Variants in ZFP64 observed in about 807,000 individuals in gnomAD.
ZFP64 encodes ZFP64 zinc finger protein, also known as zinc finger protein 64.
Under a neutral mutation model 51.6 loss-of-function variants are expected in ZFP64, and 14 were observed. The observed-to-expected ratio is 0.27, with a 90% confidence interval of 0.18 to 0.42. The LOEUF is 0.42. ZFP64 is among the 10% of genes least tolerant of loss of function. The pLI is 1.00. For synonymous variants in ZFP64, 375 were observed against 361.4 expected, an observed-to-expected ratio of 1.04 and a Z score of -0.43; for missense variants, 754 against 906.8, an observed-to-expected ratio of 0.83 and a Z score of 2.16.
chr20:52,188,186 T>C (rs1397739301), intron 1 of ZFP64, among the ~76,000 whole-genome samples: 4 of 152,184 alleles, frequency 2.6e-5, no homozygotes, highest in African/African-American at 9.6e-5. Context: ...CTTCACTGAT[T>C]TCCCTGATTC....
chr20:52,161,554 C>T (rs1336405935), intron 4 of ZFP64, among the ~76,000 whole-genome samples: 1 of 151,120 alleles, frequency 6.6e-6, no homozygotes, highest in Non-Finnish European at 1.5e-5. Context: ...CATTACATAC[C>T]CACAACGCGG....
intron 2 of ZFP64, among the ~76,000 whole-genome samples, chr20:52,173,644 G>A (rs1333488044): frequency 6.6e-6 from 1 of 150,726 alleles, no homozygotes; most frequent in Non-Finnish European, 1.5e-5. Context: ...ATACATCCTT[G>A]CTTTTTTTTT....
intron 2 of ZFP64, among the ~76,000 whole-genome samples, chr20:52,171,753 T>TTTC (rs112962408): frequency 0.54 from 78,340 of 144,378 alleles, 21,100 homozygotes; most frequent in Admixed American, 0.62. Context: ...GCCTCCCCAA[T>TTTC]TTTTTTTTTT....
intron 5 of ZFP64, among the ~76,000 whole-genome samples, chr20:52,124,130 A>G (rs1050935272): frequency 2.0e-5 from 3 of 152,048 alleles, no homozygotes; most frequent in Admixed American, 6.6e-5. Context: ...TCGGCCTCCC[A>G]AAGTGCTGGG....
intron 2 of ZFP64, among the ~76,000 whole-genome samples, chr20:52,171,105 G>T (rs1156841347): frequency 6.6e-6 from 1 of 152,226 alleles, no homozygotes; most frequent in Admixed American, 6.5e-5. Flanking sequence ...GGGGCATTGG[G>T]TGCTGAAGAC....
chr20:52,119,542 A>C (rs977822161), intron 5 of ZFP64, among the ~76,000 whole-genome samples: 23 of 132,776 alleles, frequency 1.7e-4, no homozygotes, highest in African/African-American at 7.6e-4. Flanking sequence ...AAATATATAT[A>C]TATATATATA....
intron 5 of ZFP64, among the ~76,000 whole-genome samples, chr20:52,113,482 C>G (rs1383313276): frequency 7.7e-6 from 1 of 129,926 alleles, no homozygotes; most frequent in Non-Finnish European, 1.5e-5. Context: ...GGCTAGGGTG[C>G]AGTGGCGCGA....
In ZFP64 at chr20:52,160,463, T is replaced by A; in HGVS notation, c.512-89A>T. 3.3e-6 allele frequency: 5 copies of A among 1,495,250 alleles called. No homozygotes were observed. Among genetic ancestry groups the A allele is most frequent in the Non-Finnish European group, 4.5e-6 (5 of 1,123,406 alleles). The allele number at this position is 1,495,250 out of a possible 1,614,324, so 92.6% of individuals were successfully genotyped here. On this transcript the variant is annotated intron_variant, in intron 4 of 5. Transcript: ENST00000216923. The surrounding 1 kb of genome is among the most constrained non-coding windows in gnomAD (Gnocchi z 4.2). ...TCCCACTGCCTTACGAAAAAAGTCA[T>A]ATACAACCACCGAAGAATATTCCAA... is the stretch of plus-strand genomic sequence containing the variant.
At chr20:52,177,244 A>T (rs1055322330) in intron 2 of ZFP64, among the ~76,000 whole-genome samples, 1 of 152,034 alleles carries the variant, frequency 6.6e-6, no homozygotes, top group Non-Finnish European at 1.5e-5. Context: ...TTTTAAACAC[A>T]TTTTCCAGGT....
At chr20:52,189,590 C>T (rs1317353110) in intron 1 of ZFP64, among the ~76,000 whole-genome samples, 1 of 151,684 alleles carries the variant, frequency 6.6e-6, no homozygotes, top group Non-Finnish European at 1.5e-5. Flanking sequence ...ATTCTCCTGC[C>T]TCAGCCTCCG....
At chr20:52,097,000 G>T (rs2078995720) in intron 7 of ZFP64, 1 of 568,202 alleles carries the variant, frequency 1.8e-6, no homozygotes, top group Non-Finnish European at 3.5e-6. Context: ...GTAAATGAAG[G>T]AGCATGCCAA....
Position 52,085,317 on chromosome 20 carries a change from T to TCC in ZFP64, c.1229-53_1229-52dup. The TCC allele has an allele frequency of 6.6e-7, 1 of 1,526,334 alleles. No homozygotes were observed. Among genetic ancestry groups the TCC allele is most frequent in the South Asian group, 1.3e-5 (1 of 78,112 alleles). 94.5% of individuals were successfully genotyped at this position (1,526,334 alleles called of 1,614,324 possible). ...TAGAACAGGCAGGCAAAACAGACCCTCCCACCCCAACCTGCCTTAGCACAC... is the reference window on the plus strand; with the variant it reads ...TAGAACAGGCAGGCAAAACAGACCCTCCCCCACCCCAACCTGCCTTAGCACAC... On this transcript the variant is annotated intron_variant, in intron 8 of 8. Transcript: ENST00000361387. The surrounding 1 kb of genome is among the most constrained non-coding windows in gnomAD (Gnocchi z 4.3).
At chr20:52,110,658 C>G in intron 5 of ZFP64, 3 of 1,367,076 alleles carry the variant, frequency 2.2e-6, no homozygotes, top group East Asian at 2.3e-5. Context: ...AGCTGGCCAC[C>G]AGGCCACCTG....
intron 7 of ZFP64, among the ~76,000 whole-genome samples, chr20:52,090,927 CAA>C (rs797006213): frequency 1.9e-4 from 13 of 68,074 alleles, no homozygotes; most frequent in Admixed American, 5.4e-4. Flanking sequence ...CTGACTCTAC[CAA>C]AAAAAAAAAA....
At chr20:52,084,601 C>T (rs1309773863) in exon 9 of ZFP64, 2 of 1,614,080 alleles carry the variant, frequency 1.2e-6, no homozygotes, top group South Asian at 1.1e-5. Flanking sequence ...AGCTGCCCCA[C>T]GGAGACCAGG....
chr20:52,121,866 G>A (rs934463126), intron 5 of ZFP64, among the ~76,000 whole-genome samples: 4 of 152,212 alleles, frequency 2.6e-5, no homozygotes, highest in African/African-American at 9.6e-5. Context: ...GGCTAATGTA[G>A]CTGGTGACTT....
intron 2 of ZFP64, among the ~76,000 whole-genome samples, chr20:52,176,842 C>A (rs1983265776): frequency 6.6e-6 from 1 of 152,198 alleles, no homozygotes; most frequent in Non-Finnish European, 1.5e-5. Context: ...AGCTGCGTGC[C>A]TGCCTATAAT....
At position 52,160,628 on chromosome 20, in the gene ZFP64, A is replaced by G. The variant is rs1981712259; in HGVS notation, c.512-254T>C. On this transcript the variant is annotated intron_variant, in intron 4 of 5. Transcript: ENST00000216923. The surrounding 1 kb of genome is among the most constrained non-coding windows in gnomAD (Gnocchi z 4.2). ...TTTCTTATAAATTTTTTATAAATTA[A>G]AAATAGAAGGCAATTAAAATTTTAA... Among the ~76,000 whole-genome samples, 1 of 152,222 alleles carries G rather than the reference A, an allele frequency of 6.6e-6. No individual in the cohort carries two copies. The highest frequency in any genetic ancestry group is 2.1e-4 in the South Asian group (1 of 4,826).
At chr20:52,118,631 T>A (rs1162498296) in intron 5 of ZFP64, among the ~76,000 whole-genome samples, 1 of 152,254 alleles carries the variant, frequency 6.6e-6, no homozygotes. Flanking sequence ...CAAACATTAA[T>A]TGGGTTGCCA....
Sources: allele counts gnomAD v4.1 joint callset (sites outside exome capture counted in the v4.1 genomes callset), GRCh38; gene constraint gnomAD v4.1.1; non-coding constraint Gnocchi (gnomAD v3.1); transcripts MANE v1.5; gene names NCBI Gene and HGNC (gene_info 2026-07-23, HGNC 2026-07-21).